Variants in THSD7B observed in about 807,000 individuals in gnomAD.
THSD7B encodes thrombospondin type-1 domain-containing protein 7B.
A neutral mutation model predicts 213.6 loss-of-function variants in THSD7B; 138 were observed. The ratio of observed to expected loss-of-function variants is 0.65; its 90% CI spans 0.56 to 0.74. The LOEUF (loss-of-function observed/expected upper bound fraction) is 0.74. Among genes scored for constraint, THSD7B ranks in the 30% least tolerant of loss-of-function variants. The pLI is 0.00. For missense variants in THSD7B, 1,931 were observed against 1,991.5 expected, an observed-to-expected ratio of 0.97 and a Z score of 0.58; for synonymous variants, 742 against 687.0, an observed-to-expected ratio of 1.08 and a Z score of -1.25.
intron 5 of THSD7B, among the ~76,000 whole-genome samples, chr2:137,147,446 GGCCT>G (rs1473564020): frequency 6.6e-6 from 1 of 150,784 alleles, no homozygotes; most frequent in African/African-American, 2.4e-5. Flanking sequence ...GTTACAATGA[GGCCT>G]TCATTACTCC....
At chr2:137,445,349 C>T (rs927346431) in intron 14 of THSD7B, among the ~76,000 whole-genome samples, 1 of 152,050 alleles carries the variant, frequency 6.6e-6, no homozygotes, top group East Asian at 1.9e-4. Flanking sequence ...GATATGGAAT[C>T]CACCTAAGTG....
At chr2:137,487,571 C>T (rs1242118672) in intron 15 of THSD7B, among the ~76,000 whole-genome samples, 1 of 151,158 alleles carries the variant, frequency 6.6e-6, no homozygotes, top group South Asian at 2.1e-4. Context: ...ACTAGCAAGA[C>T]TAATAAAGAA....
intron 7 of THSD7B, among the ~76,000 whole-genome samples, chr2:137,228,281 C>A (rs1056492462): frequency 6.6e-6 from 1 of 151,838 alleles, no homozygotes; most frequent in Non-Finnish European, 1.5e-5. Flanking sequence ...AGCCAAACTA[C>A]CAAAAGGTTG....
chr2:137,167,930 T>G lies in THSD7B; in HGVS notation c.1526-2811T>G, dbSNP rs115178462. Among the ~76,000 whole-genome samples the G allele has an allele frequency of 7.0e-3, 1,059 of 152,302 alleles. 10 individuals are homozygous for G. Among genetic ancestry groups the G allele is most frequent in the African/African-American group, 0.022 (917 of 41,564 alleles). On this transcript the variant is annotated intron_variant, in intron 6 of 27. Coordinates refer to ENST00000409968, the MANE Select transcript of THSD7B (RefSeq NM_001316349.2). ...TATCCACAGGAGCCGACTTTAATCT[T>G]TTCTTGTGAGGAGGCAATGACTCTG...
chr2:137,052,489 A>G (rs1297123999), intron 2 of THSD7B, among the ~76,000 whole-genome samples: 1 of 151,972 alleles, frequency 6.6e-6, no homozygotes, highest in Non-Finnish European at 1.5e-5. Context: ...ACATTTAAAA[A>G]CATAGTTTCT....
intron 12 of THSD7B, among the ~76,000 whole-genome samples, chr2:137,362,125 G>A (rs988763135): frequency 1.5e-4 from 23 of 152,090 alleles, no homozygotes; most frequent in Non-Finnish European, 2.9e-4. Context: ...TTCATATCCA[G>A]CCAAACTAAG....
intron 3 of THSD7B, among the ~76,000 whole-genome samples, chr2:137,068,860 T>A (rs1687426466): frequency 6.6e-6 from 1 of 152,102 alleles, no homozygotes; most frequent in South Asian, 2.1e-4. Flanking sequence ...GAAGAGCTTG[T>A]CTTTACTTCT....
intron 2 of THSD7B, among the ~76,000 whole-genome samples, chr2:136,940,795 T>C (rs1393943795): frequency 6.7e-6 from 1 of 148,890 alleles, no homozygotes; most frequent in Non-Finnish European, 1.5e-5. Context: ...TATTAACTAT[T>C]TTGTTAAGGG....
At chr2:137,044,507 C>T (rs1250576644) in intron 2 of THSD7B, among the ~76,000 whole-genome samples, 2 of 152,058 alleles carry the variant, frequency 1.3e-5, no homozygotes, top group Non-Finnish European at 2.9e-5. Context: ...GGGGATATGT[C>T]CCAGGACCTC....
intron 1 of THSD7B, among the ~76,000 whole-genome samples, chr2:136,797,397 G>C (rs777088206): frequency 6.6e-6 from 1 of 151,926 alleles, no homozygotes; most frequent in African/African-American, 2.4e-5. Flanking sequence ...TGGAGAAGGC[G>C]TAAGTCTTTC....
intron 21 of THSD7B, among the ~76,000 whole-genome samples, chr2:137,647,467 C>T (rs1258886085): frequency 1.4e-5 from 2 of 140,026 alleles, no homozygotes; most frequent in Non-Finnish European, 3.1e-5. Context: ...CCCACTCTCT[C>T]ACTTCTCTTA....
chr2:137,289,467 G>T (rs928322920), intron 12 of THSD7B, among the ~76,000 whole-genome samples: 1 of 151,888 alleles, frequency 6.6e-6, no homozygotes, highest in Non-Finnish European at 1.5e-5. Context: ...ATTTAAAAAC[G>T]TGGGTATGGT....
rs182280056 is a variant in THSD7B, at chr2:136,902,910, A to G, written c.139+20593A>G. ...GGGAGGAAACTTCATTTTAAAATCA[A>G]TGCCAAGAATGACCAGTGTTACAAG... On this transcript the variant is annotated intron_variant, in intron 2 of 27. Transcript: ENST00000409968. 1.0e-3 allele frequency among the ~76,000 whole-genome samples: 159 copies of G among 152,306 alleles called. 1 individual carries two copies. Among genetic ancestry groups the G allele is most frequent in the Middle Eastern group, 3.4e-3 (1 of 294 alleles).
chr2:137,040,157 T>A (rs1368254204), intron 2 of THSD7B, among the ~76,000 whole-genome samples: 1 of 152,144 alleles, frequency 6.6e-6, no homozygotes, highest in Non-Finnish European at 1.5e-5. Context: ...TACAGAGGAA[T>A]AATGGAGTGT....
At chr2:137,347,045 T>A (rs1684890963) in intron 12 of THSD7B, among the ~76,000 whole-genome samples, 1 of 151,710 alleles carries the variant, frequency 6.6e-6, no homozygotes, top group Non-Finnish European at 1.5e-5. Context: ...CCACCAACAG[T>A]GCACAAGGAT....
At chr2:137,404,423 ACT>A (rs1270210585) in intron 12 of THSD7B, among the ~76,000 whole-genome samples, 1 of 128,522 alleles carries the variant, frequency 7.8e-6, no homozygotes, top group Non-Finnish European at 1.6e-5. Context: ...GGATAAAGAA[ACT>A]CTGAGATATA....
At chr2:136,890,480 CTCCT>C (rs770593926) in intron 2 of THSD7B, among the ~76,000 whole-genome samples, 90 of 1,252 alleles carry the variant, frequency 0.072, 42 homozygotes, top group South Asian at 1. Context: ...CTCCTTTCTT[CTCCT>C]TTCTTCTCCT....
At chr2:136,814,555 C>A (rs376032400) in intron 1 of THSD7B, among the ~76,000 whole-genome samples, 1 of 152,124 alleles carries the variant, frequency 6.6e-6, no homozygotes, top group East Asian at 1.9e-4. Flanking sequence ...CCTGCCACCA[C>A]GCCTGGCTAA....
intron 12 of THSD7B, among the ~76,000 whole-genome samples, chr2:137,316,154 C>T (rs993389769): frequency 2.0e-5 from 3 of 152,180 alleles, no homozygotes; most frequent in Non-Finnish European, 4.4e-5. Context: ...TATATATTTT[C>T]ACAGATCTGT....
Sources: gnomAD v4.1 joint callset for allele counts (sites outside exome capture counted in the v4.1 genomes callset) on GRCh38, gnomAD v4.1.1 for gene constraint, MANE v1.5 for transcripts, NCBI Gene and HGNC (gene_info 2026-07-23, HGNC 2026-07-21) for gene names.